Variants in LAMTOR5 observed in about 807,000 individuals in gnomAD.
LAMTOR5 encodes the protein late endosomal/lysosomal adaptor, MAPK and MTOR activator 5.
In LAMTOR5, 8 loss-of-function variants were observed where a neutral mutation model predicts 12.1. The ratio of observed to expected loss-of-function variants is 0.66; its 90% CI spans 0.39 to 1.19. The LOEUF (loss-of-function observed/expected upper bound fraction) is 1.19. Among genes scored for constraint, LAMTOR5 ranks in the 50% most tolerant of loss-of-function variants. The pLI is 0.01. For missense variants in LAMTOR5, 110 were observed against 112.8 expected, an observed-to-expected ratio of 0.97 and a Z score of 0.11; for synonymous variants, 37 against 41.9, an observed-to-expected ratio of 0.88 and a Z score of 0.45.
At chr1:110,406,216 A>G (rs1663325198) in intron 2 of LAMTOR5, 102 bp downstream of exon 2, 2 of 700,336 alleles carry the variant, frequency 2.9e-6, no homozygotes, top group Non-Finnish European at 4.6e-6. Context: ...AGACCTGGCA[A>G]GGTAACAGGA....
chr1:110,405,873 C>G (rs1663319331), intron 2 of LAMTOR5, among the ~76,000 whole-genome samples: 1 of 152,120 alleles, frequency 6.6e-6, no homozygotes, highest in Non-Finnish European at 1.5e-5. Flanking sequence ...CACTGAAATC[C>G]CATTTTACTG....
intron 1 of LAMTOR5, 115 bp downstream of exon 1, chr1:110,407,471 G>A: frequency 7.6e-7 from 1 of 1,312,252 alleles, no homozygotes. Context: ...GTGTCCCGGG[G>A]GTCGCGCGAC....
At chr1:110,406,562 C>T (rs939110427) in intron 1 of LAMTOR5, 183 bp from the exon 2 acceptor site, 13 of 418,432 alleles carry the variant, frequency 3.1e-5, no homozygotes, top group Non-Finnish European at 5.6e-5. Context: ...CGGTTGCTCA[C>T]GCCTGTAATC....
At chr1:110,404,624 G>C (rs1254508958) in intron 2 of LAMTOR5, among the ~76,000 whole-genome samples, 3 of 152,192 alleles carry the variant, frequency 2.0e-5, no homozygotes, top group Non-Finnish European at 4.4e-5. Context: ...TTTACTAGTT[G>C]TCACTAATTA....
intron 3 of LAMTOR5, among the ~76,000 whole-genome samples, chr1:110,402,778 G>GT (rs1213431631): frequency 6.6e-6 from 1 of 152,086 alleles, no homozygotes; most frequent in Non-Finnish European, 1.5e-5. Flanking sequence ...GCTAATGTGT[G>GT]TTTCTTCTTT....
chr1:110,407,429 C>T (rs1183918275), intron 1 of LAMTOR5, 157 bp downstream of exon 1: 5 of 920,986 alleles, frequency 5.4e-6, no homozygotes, highest in Non-Finnish European at 6.4e-6. Context: ...CCCCGCCCTG[C>T]GGCCTTGGGT....
intron 1 of LAMTOR5, 116 bp downstream of exon 1, chr1:110,407,470 G>C: frequency 7.7e-7 from 1 of 1,300,796 alleles, no homozygotes; most frequent in Non-Finnish European, 1.0e-6. Context: ...CGTGTCCCGG[G>C]GGTCGCGCGA....
chr1:110,403,351 G>A (rs1293572740), intron 3 of LAMTOR5, among the ~76,000 whole-genome samples: 1 of 152,088 alleles, frequency 6.6e-6, no homozygotes, highest in Non-Finnish European at 1.5e-5. Context: ...ACTCATTCCT[G>A]TAATCCCAGC....
intron 3 of LAMTOR5, chr1:110,403,631 A>T: frequency 1.7e-5 from 4 of 239,144 alleles, no homozygotes; most frequent in Middle Eastern, 1.5e-3. Flanking sequence ...AAAAAAAAAA[A>T]GTAATTTTTA....
intron 1 of LAMTOR5, chr1:110,407,201 G>A: frequency 1.7e-6 from 1 of 578,966 alleles, no homozygotes; most frequent in Non-Finnish European, 3.1e-6. Flanking sequence ...TTACACACAG[G>A]AGATACGTGT....
chr1:110,402,277 G>C (rs957513648), intron 3 of LAMTOR5, among the ~76,000 whole-genome samples: 21 of 152,122 alleles, frequency 1.4e-4, no homozygotes, highest in Non-Finnish European at 2.9e-4. Flanking sequence ...TTGAGACGGA[G>C]TCTTGCTCTG....
chr1:110,402,316 T>C (rs1193044322), intron 3 of LAMTOR5, among the ~76,000 whole-genome samples: 2 of 152,192 alleles, frequency 1.3e-5, no homozygotes, highest in Non-Finnish European at 2.9e-5. Context: ...AGTGGCGTGA[T>C]CTCAGCTCAC....
intron 3 of LAMTOR5, 129 bp from the exon 4 acceptor site, chr1:110,401,712 T>C: frequency 1.0e-6 from 1 of 992,334 alleles, no homozygotes; most frequent in Non-Finnish European, 1.5e-6. Flanking sequence ...AAAAGCAATA[T>C]TTAAACATAA....
intron 3 of LAMTOR5, among the ~76,000 whole-genome samples, chr1:110,402,731 C>T (rs1399290029): frequency 6.6e-6 from 1 of 152,026 alleles, no homozygotes; most frequent in Non-Finnish European, 1.5e-5. Flanking sequence ...AGATAGAAGC[C>T]AGTGATATTG....
upstream of LAMTOR5, chr1:110,407,703 C>G: frequency 9.3e-6 from 15 of 1,614,220 alleles, no homozygotes; most frequent in Non-Finnish European, 1.3e-5. Flanking sequence ...TTGACGCGAG[C>G]GGGGCGTGGA....
chr1:110,407,556 G>C, intron 1 of LAMTOR5, 30 bp downstream of exon 1: 1 of 1,607,322 alleles, frequency 6.2e-7, no homozygotes, highest in Non-Finnish European at 8.5e-7. Context: ...CGCGACCTCA[G>C]GACAGGCCGA....
chr1:110,407,449 C>T (rs1663356842), intron 1 of LAMTOR5, 137 bp downstream of exon 1: 20 of 1,112,608 alleles, frequency 1.8e-5, no homozygotes, highest in Non-Finnish European at 2.5e-5. Context: ...TAGAGTTTAG[C>T]CCCCTCATCC....
At chr1:110,407,696 A>C, upstream of LAMTOR5, 2 of 1,614,124 alleles carry the variant, frequency 1.2e-6, no homozygotes, top group Non-Finnish European at 1.7e-6. Context: ...CAGTCACTTG[A>C]CGCGAGCGGG....
chr1:110,404,635 A>AC (rs1436681216), intron 2 of LAMTOR5, among the ~76,000 whole-genome samples: 1 of 152,254 alleles, frequency 6.6e-6, no homozygotes, highest in East Asian at 1.9e-4. Context: ...TCACTAATTA[A>AC]CTGAATGCTT....
Sources: gnomAD v4.1 joint callset for allele counts (sites outside exome capture counted in the v4.1 genomes callset) on GRCh38, gnomAD v4.1.1 for gene constraint, MANE v1.5 for transcripts, NCBI Gene and HGNC (gene_info 2026-07-23, HGNC 2026-07-21) for gene names.